CACNB4: variants seen among roughly 807,000 people sequenced by gnomAD.
The protein encoded by CACNB4 is calcium voltage-gated channel auxiliary subunit beta 4.
Under a neutral mutation model 71.2 loss-of-function variants are expected in CACNB4, and 32 were observed. That is an observed-to-expected ratio of 0.45 (90% CI 0.34 to 0.60). The LOEUF (loss-of-function observed/expected upper bound fraction) is 0.60, where lower values mean the gene tolerates loss of function less well. CACNB4 is among the 20% of genes least tolerant of loss of function. CACNB4 has a pLI of 0.01. For synonymous variants in CACNB4, 231 were observed against 236.9 expected (o/e 0.97, Z 0.23); for missense variants, 464 against 647.9 (o/e 0.72, Z 3.08).
intron 2 of CACNB4, among the ~76,000 whole-genome samples, chr2:151,994,320 G>A (rs750326809): frequency 6.9e-6 from 1 of 145,496 alleles, no homozygotes; most frequent in Non-Finnish European, 1.5e-5. Context: ...CGATTCTTCT[G>A]CCTCAGCCTC....
chr2:151,940,150 T>G (rs749441677), intron 2 of CACNB4, among the ~76,000 whole-genome samples: 2 of 152,198 alleles, frequency 1.3e-5, no homozygotes, highest in Non-Finnish European at 2.9e-5. Context: ...TGGAATCAAG[T>G]TTTCTTAAGA....
chr2:151,977,318 G>A (rs2099873992), intron 2 of CACNB4, among the ~76,000 whole-genome samples: 1 of 152,190 alleles, frequency 6.6e-6, no homozygotes, highest in Admixed American at 6.5e-5. Flanking sequence ...TAAATGCCAC[G>A]TGATTCATGA....
rs573989629 is a variant in CACNB4, at chr2:151,834,146, A to G, written c.*4973T>C. 5 of 152,150 alleles carry G rather than the reference A, an allele frequency of 3.3e-5. No homozygotes were observed. Among genetic ancestry groups the G allele is most frequent in the Non-Finnish European group, 5.9e-5 (4 of 67,876 alleles). The allele number at this position is 152,150 out of a possible 1,614,324, so 9.4% of individuals were successfully genotyped here. ...TTTAAGTGTTCAAAACATAACCAAG[A>G]ACACTTATCAGGTATTGAAAAGCTA... On this transcript the variant is annotated 3_prime_UTR_variant, in exon 14 of 14. Coordinates refer to ENST00000539935, the MANE Select transcript of CACNB4 (RefSeq NM_000726.5).
intron 2 of CACNB4, among the ~76,000 whole-genome samples, chr2:151,934,294 A>G (rs16830462): frequency 0.086 from 13,124 of 152,242 alleles, 1,491 homozygotes; most frequent in East Asian, 0.54. Context: ...GCTTGGTCAG[A>G]TTTAGAGGCC....
intron 2 of CACNB4, among the ~76,000 whole-genome samples, chr2:152,006,300 G>C (rs1029909262): frequency 1.1e-4 from 17 of 151,970 alleles, no homozygotes; most frequent in African/African-American, 4.1e-4. Context: ...CTGTCACCTG[G>C]ACTAAGCCAC....
intron 2 of CACNB4, chr2:151,969,260 G>A (rs996469504): frequency 2.6e-5 from 4 of 152,186 alleles, no homozygotes; most frequent in African/African-American, 9.7e-5. Flanking sequence ...CTCCAGAAGA[G>A]ATGCTCTGAT....
At chr2:151,869,501 C>T in intron 8 of CACNB4, 1 of 345,926 alleles carries the variant, frequency 2.9e-6, no homozygotes. Flanking sequence ...TCCCTCTTCC[C>T]TCGTTAGGGG....
intron 2 of CACNB4, among the ~76,000 whole-genome samples, chr2:152,008,913 G>C (rs1312096330): frequency 6.6e-6 from 1 of 152,160 alleles, no homozygotes; most frequent in Non-Finnish European, 1.5e-5. Context: ...ACTTCCCTTG[G>C]TTCTGTCATT....
intron 2 of CACNB4, among the ~76,000 whole-genome samples, chr2:152,006,957 A>C (rs1335316921): frequency 1.3e-5 from 2 of 152,160 alleles, no homozygotes; most frequent in African/African-American, 4.8e-5. Flanking sequence ...GTAGAGCCTT[A>C]AGTAATCTTC....
Position 151,860,129 on chromosome 2 carries a change from T to C in CACNB4, c.868+582A>G, listed in dbSNP as rs567181548. 296 of 154,576 alleles carry C rather than the reference T, an allele frequency of 1.9e-3. 1 individual carries two copies. Among genetic ancestry groups the C allele is most frequent in the Middle Eastern group, 0.013 (4 of 312 alleles). The allele number at this position is 154,576 out of a possible 1,614,324, so 9.6% of individuals were successfully genotyped here. A position where few individuals can be genotyped will look rare whatever the true frequency, so the allele number is the denominator to read the frequency against. ...ACTATGGACTCGCTTCTGTGGGTTA[T>C]GATCCATCCTCCACAGCCCTGCTCA... On this transcript the variant is annotated intron_variant, in intron 10 of 13. Coordinates refer to ENST00000539935, the MANE Select transcript of CACNB4 (RefSeq NM_000726.5).
intron 2 of CACNB4, among the ~76,000 whole-genome samples, chr2:151,929,908 C>T (rs1430205252): frequency 1.3e-5 from 2 of 151,922 alleles, no homozygotes; most frequent in Non-Finnish European, 2.9e-5. Flanking sequence ...GGTGAGAAGA[C>T]TCAATATAAT....
intron 2 of CACNB4, among the ~76,000 whole-genome samples, chr2:152,038,680 G>C (rs1358257643): frequency 6.6e-6 from 1 of 152,232 alleles, no homozygotes; most frequent in Admixed American, 6.5e-5. Flanking sequence ...AAGCAGGACA[G>C]GCTGCAAACT....
chr2:151,944,457 A>C (rs571365812), intron 2 of CACNB4, among the ~76,000 whole-genome samples: 1 of 152,244 alleles, frequency 6.6e-6, no homozygotes, highest in African/African-American at 2.4e-5. Context: ...CTGGAAGAAA[A>C]AGAGAGTATA....
Position 152,098,833 on chromosome 2 carries a change from G to T in CACNB4, c.63+116C>A. ...GAGGGGTGGGGGGAGCGGGGCCGCC[G>T]ACTCCCGGGACTGGGGCCCCGCACG... is the stretch of plus-strand genomic sequence containing the variant. On this transcript the variant is annotated intron_variant, in intron 1 of 13. Coordinates refer to ENST00000539935, the MANE Select transcript of CACNB4 (RefSeq NM_000726.5). This position sits in a 1 kb window ranked among gnomAD's most constrained non-coding sequence, Gnocchi z 5.3. 1 of 1,000,694 alleles carries T rather than the reference G, an allele frequency of 1.0e-6. No homozygotes were observed. The highest frequency in any genetic ancestry group is 1.7e-5 in the South Asian group (1 of 58,916). 62.0% of individuals were successfully genotyped at this position (1,000,694 alleles called of 1,614,324 possible). A position where few individuals can be genotyped will look rare whatever the true frequency, so the allele number is the denominator to read the frequency against.
chr2:152,030,875 G>A (rs1359718637), intron 2 of CACNB4, among the ~76,000 whole-genome samples: 1 of 152,112 alleles, frequency 6.6e-6, no homozygotes, highest in Non-Finnish European at 1.5e-5. Flanking sequence ...ATGATAGACT[G>A]GATTAAGAAA....
At chr2:152,082,611 T>G (rs1223895406) in intron 2 of CACNB4, among the ~76,000 whole-genome samples, 1 of 152,208 alleles carries the variant, frequency 6.6e-6, no homozygotes, top group African/African-American at 2.4e-5. Flanking sequence ...GATGGAATCT[T>G]AGAGGTTACC....
chr2:152,000,184 C>T (rs906841473), intron 2 of CACNB4, among the ~76,000 whole-genome samples: 4 of 152,182 alleles, frequency 2.6e-5, no homozygotes, highest in African/African-American at 7.2e-5. Flanking sequence ...CAGGGGCTTT[C>T]GAGCTATGTC....
chr2:152,074,258 T>C (rs1388510938), intron 2 of CACNB4, among the ~76,000 whole-genome samples: 1 of 151,454 alleles, frequency 6.6e-6, no homozygotes, highest in Non-Finnish European at 1.5e-5. Flanking sequence ...CCCCCATTTA[T>C]ACCAATACCA....
At chr2:151,895,258 T>C (rs150362352) in intron 2 of CACNB4, among the ~76,000 whole-genome samples, 2 of 151,728 alleles carry the variant, frequency 1.3e-5, no homozygotes, top group Non-Finnish European at 2.9e-5. Context: ...AACAGATACA[T>C]GTTATCCACG....
Sources: allele counts gnomAD v4.1 joint callset (sites outside exome capture counted in the v4.1 genomes callset), GRCh38; gene constraint gnomAD v4.1.1; non-coding constraint Gnocchi (gnomAD v3.1); transcripts MANE v1.5; gene names NCBI Gene and HGNC (gene_info 2026-07-23, HGNC 2026-07-21).